Variants in PIK3R4 observed in about 807,000 individuals in gnomAD.
PIK3R4 encodes phosphoinositide-3-kinase regulatory subunit 4, also known as phosphoinositide 3-kinase regulatory subunit 4.
In PIK3R4, 46 loss-of-function variants were observed where a neutral mutation model predicts 136.5. The observed-to-expected ratio is 0.34, with a 90% CI of 0.27 to 0.43. The LOEUF is 0.43. PIK3R4 is among the 20% of genes least tolerant of loss of function. The pLI, the probability that PIK3R4 is intolerant of heterozygous loss-of-function variation, is 1.00. For missense variants in PIK3R4, 1,331 were observed against 1,649.5 expected, an observed-to-expected ratio of 0.81 and a Z score of 3.35; for synonymous variants, 557 against 566.7, an observed-to-expected ratio of 0.98 and a Z score of 0.24.
intron 2 of PIK3R4, among the ~76,000 whole-genome samples, chr3:130,737,741 T>C (rs1298899459): frequency 2.6e-5 from 4 of 152,176 alleles, no homozygotes; most frequent in South Asian, 2.1e-4. Flanking sequence ...ACCTTAAACA[T>C]GATCAGAACA....
chr3:130,719,120 G>C (rs1364012622), intron 7 of PIK3R4, among the ~76,000 whole-genome samples: 2 of 152,062 alleles, frequency 1.3e-5, no homozygotes, highest in African/African-American at 4.8e-5. Flanking sequence ...AAACAAAAAG[G>C]CTGAAAACAT....
rs2066713323 is a variant in PIK3R4, at chr3:130,723,314, A to G, written c.1981+100T>C. On this transcript the variant is annotated intron_variant, in intron 7 of 19. Transcript: ENST00000356763. Reference sequence around the variant, plus strand: ...ACAATCAATAGTAGGAACCCCACACAATCAATAGCAGGAACAATAAAGTTG... The same window carrying G: ...ACAATCAATAGTAGGAACCCCACACGATCAATAGCAGGAACAATAAAGTTG... 11 of 994,770 alleles carry G rather than the reference A, an allele frequency of 1.1e-5. No individual in the cohort carries two copies. The East Asian group carries it at 2.8e-4, about 25-fold the overall frequency. 61.6% of individuals were successfully genotyped at this position (994,770 alleles called of 1,614,324 possible).
intron 14 of PIK3R4, among the ~76,000 whole-genome samples, chr3:130,689,460 GA>G (rs960687894): frequency 1.3e-5 from 2 of 152,182 alleles, no homozygotes; most frequent in African/African-American, 4.8e-5. Flanking sequence ...AGGCCATAAA[GA>G]ATATGTCCTG....
intron 8 of PIK3R4, among the ~76,000 whole-genome samples, chr3:130,717,390 C>A (rs2066671382): frequency 6.6e-6 from 1 of 152,062 alleles, no homozygotes; most frequent in African/African-American, 2.4e-5. Context: ...GTTCAATGAG[C>A]AAACTTTTAA....
chr3:130,681,246 G>C (rs2066456484), intron 17 of PIK3R4, among the ~76,000 whole-genome samples, 181 bp from the exon 18 acceptor site: 1 of 152,188 alleles, frequency 6.6e-6, no homozygotes, highest in South Asian at 2.1e-4. Flanking sequence ...AATTATGCTA[G>C]ATCTTATTGG....
rs746053652 is a variant in PIK3R4 at position 130,703,790 on chromosome 3, A to C, written c.3031T>G (p.Cys1011Gly). ...VSDEHSLFAT[C>G]SNDGTVKIWN... ...ATTTTCACTGTGCCATCATTTGAAC[A>C]TGTTGCAAAAAGTGAGTGTTCATCA... Residue 1011 changes from cysteine to glycine, a missense_variant, in exon 13 of 20, where the codon TGT (cysteine) becomes GGT (glycine). Cys to Gly is a radical substitution (Grantham distance 159, BLOSUM62 -3). Coordinates refer to ENST00000356763, the MANE Select transcript of PIK3R4 (RefSeq NM_014602.3). The C allele has an allele frequency of 2.4e-5, 39 of 1,613,470 alleles. No individual in the cohort carries two copies. Among genetic ancestry groups the C allele is most frequent in the Non-Finnish European group, 3.2e-5 (38 of 1,179,490 alleles).
chr3:130,679,991 G>C (rs140135439), intron 19 of PIK3R4, among the ~76,000 whole-genome samples: 1 of 143,964 alleles, frequency 6.9e-6, no homozygotes, highest in Non-Finnish European at 1.5e-5. Flanking sequence ...CAGGAGAATC[G>C]CTTAACCTGG....
At position 130,733,644 on chromosome 3, in the gene PIK3R4, G is replaced by A; in HGVS notation, c.1354C>T (p.Pro452Ser). 1.2e-6 allele frequency: 2 copies of A among 1,614,030 alleles called. No homozygotes were observed. Among genetic ancestry groups the A allele is most frequent in the Non-Finnish European group, 1.7e-6 (2 of 1,179,896 alleles). ...TKVLALVKEV[P>S]RNDINIYPEY... is the part of the protein sequence containing the mutation. ...GGATAAATATTGATATCATTACGAG[G>A]AACCTCTTTGACGAGAGCAAGAACT... Residue 452 changes from proline to serine, a missense_variant, in exon 4 of 20, where the codon CCT (proline) becomes TCT (serine). Pro to Ser is a moderately conservative substitution (Grantham distance 74). This residue lies in a region of PIK3R4 where 1,180 missense variants were observed against 1,407.0 expected (regional missense o/e 0.84). Coordinates refer to ENST00000356763, the MANE Select transcript of PIK3R4 (RefSeq NM_014602.3).
Position 130,716,517 on chromosome 3 carries a change from T to C in PIK3R4, c.2210A>G (p.Asp737Gly), listed in dbSNP as rs1559826219. The C allele has an allele frequency of 1.2e-6, 2 of 1,613,900 alleles. No individual in the cohort carries two copies. The highest frequency in any genetic ancestry group is 2.2e-5 in the East Asian group (1 of 44,876). ...SIFDYALRSKDITSLFRHLHM... is the reference protein window; with the variant it reads ...SIFDYALRSKGITSLFRHLHM... ...AAGATGTCTGAACAAGCTAGTAATA[T>C]CTTTAGACCTCAAAGCATAATCAAA... Residue 737 changes from aspartate to glycine, a missense_variant, in exon 9 of 20, where the codon GAT (aspartate) becomes GGT (glycine). By Grantham distance (94) the Asp-to-Gly change is moderately conservative. Transcript: ENST00000356763.
intron 11 of PIK3R4, among the ~76,000 whole-genome samples, chr3:130,706,375 A>C (rs1416156560): frequency 6.6e-6 from 1 of 152,250 alleles, no homozygotes; most frequent in African/African-American, 2.4e-5. Flanking sequence ...AAAGTGTTGA[A>C]TATCTCATGT....
chr3:130,691,389 G>A (rs1374666405), intron 13 of PIK3R4, among the ~76,000 whole-genome samples: 1 of 152,042 alleles, frequency 6.6e-6, no homozygotes, highest in African/African-American at 2.4e-5. Flanking sequence ...GGGAAAATCA[G>A]GTAATATGTA....
chr3:130,682,221 A>G (rs2066463740), intron 16 of PIK3R4, among the ~76,000 whole-genome samples: 1 of 152,174 alleles, frequency 6.6e-6, no homozygotes, highest in African/African-American at 2.4e-5. Flanking sequence ...GGGGCCCTAC[A>G]TGTAATCACA....
chr3:130,733,072 A>C (rs1449487270), intron 4 of PIK3R4, among the ~76,000 whole-genome samples: 1 of 152,176 alleles, frequency 6.6e-6, no homozygotes, highest in Non-Finnish European at 1.5e-5. Flanking sequence ...TGTATATCCT[A>C]AACAGTACAG....
At chr3:130,680,775 A>G (rs1386330454) in intron 18 of PIK3R4, 54 bp from the exon 19 acceptor site, 2 of 1,124,732 alleles carry the variant, frequency 1.8e-6, no homozygotes, top group Non-Finnish European at 2.6e-6. Context: ...GGGAGGAACT[A>G]ATAATCATTG....
At chr3:130,736,865 A>T (rs1475277149) in intron 2 of PIK3R4, among the ~76,000 whole-genome samples, 1 of 152,244 alleles carries the variant, frequency 6.6e-6, no homozygotes, top group Non-Finnish European at 1.5e-5. Context: ...GTGAACAAAC[A>T]TAATATGTGA....
intron 13 of PIK3R4, among the ~76,000 whole-genome samples, chr3:130,699,309 G>A (rs2066563908): frequency 6.6e-6 from 1 of 152,198 alleles, no homozygotes; most frequent in African/African-American, 2.4e-5. Context: ...TATGGGCCAA[G>A]TCAAATAAAG....
At chr3:130,732,016 T>C (rs889674789) in intron 4 of PIK3R4, among the ~76,000 whole-genome samples, 2 of 152,138 alleles carry the variant, frequency 1.3e-5, no homozygotes, top group Non-Finnish European at 2.9e-5. Flanking sequence ...GTGCTGGCAC[T>C]GACCCTGGGT....
At chr3:130,710,710 A>G (rs544301203) in intron 9 of PIK3R4, among the ~76,000 whole-genome samples, 2 of 152,290 alleles carry the variant, frequency 1.3e-5, no homozygotes, top group East Asian at 3.9e-4. Flanking sequence ...AATAAATTTT[A>G]TGAGGTTGCC....
intron 4 of PIK3R4, 106 bp from the exon 5 acceptor site, chr3:130,730,548 G>C (rs2066755874): frequency 1.3e-6 from 1 of 751,562 alleles, no homozygotes; most frequent in Admixed American, 3.5e-5. Flanking sequence ...TAAGCCTATG[G>C]GAAAAACAGA....
Sources: allele counts gnomAD v4.1 joint callset (sites outside exome capture counted in the v4.1 genomes callset), GRCh38; gene constraint gnomAD v4.1.1; regional missense constraint gnomAD v4.1.1; transcripts MANE v1.5; gene names NCBI Gene and HGNC (gene_info 2026-07-23, HGNC 2026-07-21).